The following STK33 variants were observed in gnomAD, a reference collection of about 807,000 sequenced individuals.
The protein encoded by STK33 is serine/threonine-protein kinase 33.
STK33 carries 52 observed loss-of-function variants against 58.0 expected under a neutral mutation model. The observed-to-expected ratio is 0.90, with a 90% CI of 0.72 to 1.13. STK33 has a LOEUF of 1.13. Among genes scored for constraint, STK33 ranks in the 50% most tolerant of loss-of-function variants. The pLI is 0.00. For synonymous variants in STK33, 215 were observed against 200.1 expected, an observed-to-expected ratio of 1.07 and a Z score of -0.63; for missense variants, 630 against 604.2, an observed-to-expected ratio of 1.04 and a Z score of -0.45.
At chr11:8,371,492 T>C in the STK33 span, among the ~76,000 whole-genome samples, 1 of 152,226 alleles carries the variant, frequency 6.6e-6, no homozygotes, top group Non-Finnish European at 1.5e-5. Context: ...AATGCATTTC[T>C]GTTGTTTTAA....
chr11:8,502,289 C>T (rs11827485), intron 1 of STK33, among the ~76,000 whole-genome samples: 2,562 of 152,180 alleles, frequency 0.017, 65 homozygotes, highest in African/African-American at 0.058. Context: ...CAAATACAGA[C>T]ACACACCAAT....
intron 1 of STK33, among the ~76,000 whole-genome samples, chr11:8,496,486 TCTCTAC>T (rs1428692297): frequency 6.6e-6 from 1 of 152,160 alleles, no homozygotes; most frequent in Non-Finnish European, 1.5e-5. Context: ...GTTTAAGGAA[TCTCTAC>T]TGATGTTAAT....
At chr11:8,591,389 G>A (rs1251812031) in intron 1 of STK33, among the ~76,000 whole-genome samples, 1 of 152,170 alleles carries the variant, frequency 6.6e-6, no homozygotes, top group African/African-American at 2.4e-5. Flanking sequence ...TCATGGGAAG[G>A]ACTTTCTAAG....
In STK33 at chr11:8,457,331, C is replaced by T. The variant is rs1946980205; in HGVS notation, c.697+10G>A. ...CATGGGGTCAATGAGCTGGATAACC[C>T]TCTTCTTACCATTATTGTGAAGATA... On this transcript the variant is annotated intron_variant, in intron 9 of 15. Coordinates refer to ENST00000687296, the MANE Select transcript of STK33 (RefSeq NM_001352389.2). 6.4e-7 allele frequency: 1 copy of T among 1,550,916 alleles called. No individual in the cohort carries two copies. Among genetic ancestry groups the T allele is most frequent in the African/African-American group, 1.3e-5 (1 of 74,230 alleles).
intron 1 of STK33, among the ~76,000 whole-genome samples, chr11:8,503,297 A>G (rs1951646819): frequency 6.6e-6 from 1 of 152,234 alleles, no homozygotes; most frequent in Non-Finnish European, 1.5e-5. Flanking sequence ...ATAAAAAAGA[A>G]TAAGATCATG....
chr11:8,487,599 T>G (rs945191042), intron 1 of STK33, among the ~76,000 whole-genome samples: 18 of 152,192 alleles, frequency 1.2e-4, no homozygotes, highest in African/African-American at 4.3e-4. Context: ...AGAGGAAGTC[T>G]TCAGTGGACT....
the STK33 span, among the ~76,000 whole-genome samples, chr11:8,358,069 A>C: frequency 1.3e-5 from 2 of 152,166 alleles, no homozygotes; most frequent in Admixed American, 1.3e-4. Context: ...AGCTCAAAGC[A>C]GCCCTCTCTT....
At chr11:8,558,015 T>A (rs926497700) in intron 1 of STK33, among the ~76,000 whole-genome samples, 2 of 152,256 alleles carry the variant, frequency 1.3e-5, no homozygotes, top group Non-Finnish European at 2.9e-5. Flanking sequence ...CACAAAAATT[T>A]AACTTAGAAA....
At chr11:8,447,573 A>G (rs1350325180) in intron 11 of STK33, among the ~76,000 whole-genome samples, 2 of 152,238 alleles carry the variant, frequency 1.3e-5, no homozygotes, top group African/African-American at 4.8e-5. Flanking sequence ...AAGGCCTTTG[A>G]CAAAATTCAA....
chr11:8,413,238 T>A (rs1175108283), intron 15 of STK33, among the ~76,000 whole-genome samples: 1 of 152,216 alleles, frequency 6.6e-6, no homozygotes, highest in Admixed American at 6.5e-5. Flanking sequence ...CCACAAAGCC[T>A]AAAATATTTA....
intron 1 of STK33, among the ~76,000 whole-genome samples, chr11:8,558,084 G>A (rs542742870): frequency 2.0e-5 from 3 of 152,294 alleles, no homozygotes; most frequent in East Asian, 1.9e-4. Context: ...AGGAACTAGA[G>A]AAGTTGGTTT....
chr11:8,444,324 C>T (rs1227185633), intron 11 of STK33, among the ~76,000 whole-genome samples: 1 of 152,108 alleles, frequency 6.6e-6, no homozygotes, highest in Admixed American at 6.6e-5. Context: ...GTCTTCTAAA[C>T]ACTTCCTATC....
the STK33 span, among the ~76,000 whole-genome samples, chr11:8,375,775 G>A: frequency 2.0e-5 from 3 of 152,138 alleles, no homozygotes; most frequent in African/African-American, 7.2e-5. Flanking sequence ...ACCTTGTAAA[G>A]AAGGTGCCTT....
Position 8,530,034 on chromosome 11 carries a change from G to A in STK33, c.-465-49420C>T, listed in dbSNP as rs192314734. Among the ~76,000 whole-genome samples, 467 of 152,244 alleles carry A rather than the reference G, an allele frequency of 3.1e-3. 1 individual carries two copies. The highest frequency in any genetic ancestry group is 0.011 in the African/African-American group (438 of 41,544). ...CTTCCTGGCCCAGATGAGCTGGTGC[G>A]AGAGGGGGCGGAAAAGGTGTATGAA... On this transcript the variant is annotated intron_variant, in intron 1 of 15. Transcript: ENST00000687296.
chr11:8,586,598 T>C (rs1468399192), intron 1 of STK33, among the ~76,000 whole-genome samples: 1 of 151,948 alleles, frequency 6.6e-6, no homozygotes, highest in East Asian at 1.9e-4. Flanking sequence ...CCAAGATGGG[T>C]GGATCACTTG....
At chr11:8,464,906 C>A in intron 6 of STK33, 84 bp from the exon 7 acceptor site, 1 of 810,278 alleles carries the variant, frequency 1.2e-6, no homozygotes. Flanking sequence ...CAGATACTCA[C>A]CCAAGGGAAA....
intron 1 of STK33, chr11:8,593,853 G>A (rs2033006109): frequency 1.3e-5 from 2 of 152,360 alleles, no homozygotes; most frequent in Admixed American, 6.5e-5. Flanking sequence ...CCAAATACCG[G>A]ACCCGGGGGA....
intron 1 of STK33, among the ~76,000 whole-genome samples, chr11:8,534,566 C>CTGTG (rs1248207752): frequency 0.011 from 1,136 of 106,406 alleles, 19 homozygotes; most frequent in African/African-American, 0.038. Context: ...CTCTCTCTCT[C>CTGTG]TCTGTGTGTG....
At chr11:8,518,715 TA>T (rs1207515044) in intron 1 of STK33, among the ~76,000 whole-genome samples, 2 of 152,154 alleles carry the variant, frequency 1.3e-5, no homozygotes, top group Non-Finnish European at 2.9e-5. Context: ...AAACAGACTT[TA>T]AACCAACAAA....
Sources: gnomAD v4.1 joint callset for allele counts (sites outside exome capture counted in the v4.1 genomes callset) on GRCh38, gnomAD v4.1.1 for gene constraint, MANE v1.5 for transcripts, NCBI Gene and HGNC (gene_info 2026-07-23, HGNC 2026-07-21) for gene names.